Variants in ATRN observed in about 807,000 individuals in gnomAD.
ATRN encodes the protein attractin-2.
A neutral mutation model predicts 178.7 loss-of-function variants in ATRN; 54 were observed. The ratio of observed to expected loss-of-function variants is 0.30; its 90% CI spans 0.24 to 0.38. ATRN has a LOEUF of 0.38. Ranked by LOEUF, ATRN falls within the 10% of genes least tolerant of loss-of-function variation. The probability of loss-of-function intolerance (pLI) is 1.00; values close to 1 mark genes in which losing one functional copy is unlikely to be tolerated. For missense variants in ATRN, 1,443 were observed against 1,815.1 expected (o/e 0.79, Z 3.73); for synonymous variants, 636 against 663.0 (o/e 0.96, Z 0.63).
intron 1 of ATRN, among the ~76,000 whole-genome samples, chr20:3,513,889 CTGTT>C (rs1448674562): frequency 6.6e-6 from 1 of 152,118 alleles, no homozygotes; most frequent in South Asian, 2.1e-4. Flanking sequence ...ATTTGGCTCT[CTGTT>C]TGTCTGTTAT....
At chr20:3,544,227 C>G (rs1031727289) in intron 3 of ATRN, among the ~76,000 whole-genome samples, 5 of 152,112 alleles carry the variant, frequency 3.3e-5, no homozygotes, top group Non-Finnish European at 5.9e-5. Context: ...ATCAGAATGC[C>G]TGTTGAGCTT....
At chr20:3,629,460 C>T (rs2086973275) in intron 25 of ATRN, among the ~76,000 whole-genome samples, 1 of 152,186 alleles carries the variant, frequency 6.6e-6, no homozygotes, top group African/African-American at 2.4e-5. Context: ...ACCCTTCATT[C>T]TGTATACTTT....
intron 5 of ATRN, 21 bp from the exon 6 acceptor site, chr20:3,549,148 TA>T: frequency 1.3e-6 from 2 of 1,559,886 alleles, no homozygotes; most frequent in Admixed American, 2.1e-5. Flanking sequence ...TTTGTGAAGC[TA>T]ATTCATTATG....
At chr20:3,495,342 G>A (rs151559) in intron 1 of ATRN, among the ~76,000 whole-genome samples, 39,740 of 152,004 alleles carry the variant, frequency 0.26, 5,683 homozygotes, top group African/African-American at 0.31. Flanking sequence ...GAGCTTTTAA[G>A]GACACCAATG....
chr20:3,625,405 G>T (rs1208932708), intron 25 of ATRN, among the ~76,000 whole-genome samples: 1 of 152,092 alleles, frequency 6.6e-6, no homozygotes, highest in Non-Finnish European at 1.5e-5. Flanking sequence ...ATTCACAGCT[G>T]CATTGAACAG....
intron 20 of ATRN, 65 bp from the exon 21 acceptor site, chr20:3,596,312 G>C (rs1362332395): frequency 1.4e-6 from 2 of 1,452,398 alleles, no homozygotes; most frequent in Middle Eastern, 1.8e-4. Context: ...GGATCTGTTT[G>C]GTTTTAAAAT....
At chr20:3,549,060 A>G in intron 5 of ATRN, 110 bp from the exon 6 acceptor site, 2 of 930,976 alleles carry the variant, frequency 2.1e-6, no homozygotes, top group Non-Finnish European at 3.1e-6. Flanking sequence ...TTTAAATGCT[A>G]AAGGAAAGAC....
intron 27 of ATRN, among the ~76,000 whole-genome samples, chr20:3,642,050 A>G (rs2087073339): frequency 6.6e-6 from 1 of 152,228 alleles, no homozygotes; most frequent in East Asian, 1.9e-4. Flanking sequence ...TTGCTCCTTA[A>G]AACATTTTCT....
At chr20:3,481,337 G>A (rs1038357648) in intron 1 of ATRN, among the ~76,000 whole-genome samples, 5 of 151,878 alleles carry the variant, frequency 3.3e-5, no homozygotes, top group Non-Finnish European at 7.4e-5. Context: ...TTTTCTGCTA[G>A]TGGATTGATC....
At position 3,592,369 on chromosome 20, in the gene ATRN, C is replaced by T. The variant is rs1329416125; in HGVS notation, c.3322+1063C>T. Reference sequence around the variant, plus strand: ...GAGCTAAGATCACGCCACTGCACTCCAGCCTGGGCAACAGAGTGAGACTCA... The same window carrying T: ...GAGCTAAGATCACGCCACTGCACTCTAGCCTGGGCAACAGAGTGAGACTCA... On this transcript the variant is annotated intron_variant, in intron 19 of 28. Transcript: ENST00000262919. The T allele has an allele frequency of 3.7e-6, 3 of 821,538 alleles. No homozygotes were observed. In the African/African-American group the frequency reaches 5.9e-5, roughly 16 times the overall value. 50.9% of individuals were successfully genotyped at this position (821,538 alleles called of 1,614,324 possible).
intron 6 of ATRN, among the ~76,000 whole-genome samples, chr20:3,555,340 G>A (rs923888282): frequency 1.3e-5 from 2 of 151,980 alleles, no homozygotes; most frequent in African/African-American, 4.8e-5. Flanking sequence ...AACCACACTC[G>A]GGGAGATTCT....
chr20:3,565,238 G>A, intron 10 of ATRN, 110 bp from the exon 11 acceptor site: 1 of 760,080 alleles, frequency 1.3e-6, no homozygotes. Context: ...AAAATTGAGA[G>A]GCATGTTTTA....
At chr20:3,525,739 G>T (rs1448947612) in intron 1 of ATRN, among the ~76,000 whole-genome samples, 2 of 152,178 alleles carry the variant, frequency 1.3e-5, no homozygotes. Context: ...TGCAAGATGG[G>T]TTCAACATAA....
At chr20:3,581,885 T>C (rs1045716847) in intron 15 of ATRN, among the ~76,000 whole-genome samples, 3 of 152,160 alleles carry the variant, frequency 2.0e-5, no homozygotes, top group Non-Finnish European at 4.4e-5. Flanking sequence ...GGTTTTCCTA[T>C]GTCTGTGGGG....
chr20:3,554,310 TTTA>T (rs1433385247), intron 6 of ATRN, among the ~76,000 whole-genome samples: 16 of 137,014 alleles, frequency 1.2e-4, no homozygotes, highest in African/African-American at 4.0e-4. Flanking sequence ...CAGATTTTTA[TTTA>T]TTTATTTATT....
chr20:3,555,210 A>T (rs986620982), intron 6 of ATRN, among the ~76,000 whole-genome samples: 1 of 151,770 alleles, frequency 6.6e-6, no homozygotes, highest in Non-Finnish European at 1.5e-5. Context: ...TCACCGTGTT[A>T]GCCAGGATGG....
intron 11 of ATRN, among the ~76,000 whole-genome samples, chr20:3,566,167 G>C (rs1054884717): frequency 2.6e-5 from 4 of 152,160 alleles, no homozygotes; most frequent in Admixed American, 2.0e-4. Flanking sequence ...CAGATGGGGG[G>C]ATAAGGTAGG....
At position 3,562,409 on chromosome 20, in the gene ATRN, G is replaced by A; in HGVS notation, c.1581G>A (p.Lys527=). Reference sequence around the variant, plus strand: ...GCTACAAGGCTTTCAGTGCCAATAAGTACCGGCTTGCAGATGATCTCTACC... The same window carrying A: ...GCTACAAGGCTTTCAGTGCCAATAAATACCGGCTTGCAGATGATCTCTACC... ...HGGYKAFSAN[K]YRLADDLYRY... The change falls in exon 9 of 29, where the codon AAG becomes AAA. Residue 527 remains lysine (K), a synonymous_variant. Coordinates refer to ENST00000262919, the MANE Select transcript of ATRN (RefSeq NM_139321.3). The A allele has an allele frequency of 6.2e-7, 1 of 1,614,172 alleles. No homozygotes were observed. The highest frequency in any genetic ancestry group is 1.1e-5 in the South Asian group (1 of 91,076).
At chr20:3,617,022 G>T (rs749437544) in intron 24 of ATRN, among the ~76,000 whole-genome samples, 1 of 152,206 alleles carries the variant, frequency 6.6e-6, no homozygotes, top group Non-Finnish European at 1.5e-5. Context: ...TATGCCAGAT[G>T]AGTATATAGT....
Sources: allele counts gnomAD v4.1 joint callset (sites outside exome capture counted in the v4.1 genomes callset), GRCh38; gene constraint gnomAD v4.1.1; transcripts MANE v1.5; gene names NCBI Gene and HGNC (gene_info 2026-07-23, HGNC 2026-07-21).